LIPI: variants seen among roughly 807,000 people sequenced by gnomAD.
LIPI encodes lipase member I.
A neutral mutation model predicts 50.6 loss-of-function variants in LIPI; 59 were observed. That is an observed-to-expected ratio of 1.16 (90% confidence interval 0.94 to 1.45). The LOEUF (loss-of-function observed/expected upper bound fraction) is 1.45. Among genes scored for constraint, LIPI ranks in the 40% most tolerant of loss-of-function variants. The probability of loss-of-function intolerance (pLI) is 0.00; values close to 1 mark genes in which losing one functional copy is unlikely to be tolerated. For synonymous variants in LIPI, 203 were observed against 178.2 expected, an observed-to-expected ratio of 1.14 and a Z score of -1.11; for missense variants, 586 against 536.3, an observed-to-expected ratio of 1.09 and a Z score of -0.92.
intron 4 of LIPI, among the ~76,000 whole-genome samples, chr21:14,174,713 C>T (rs1386499145): frequency 6.6e-6 from 1 of 152,090 alleles, no homozygotes; most frequent in African/African-American, 2.4e-5. Context: ...GCCACCATGC[C>T]CAGCTAATTT....
At chr21:14,183,390 A>C (rs1011753005) in intron 3 of LIPI, among the ~76,000 whole-genome samples, 1 of 152,204 alleles carries the variant, frequency 6.6e-6, no homozygotes, top group Non-Finnish European at 1.5e-5. Flanking sequence ...AAACTTAGGC[A>C]ATACCATTCA....
intron 9 of LIPI, among the ~76,000 whole-genome samples, chr21:14,143,069 C>T (rs1008591705): frequency 2.6e-5 from 4 of 152,012 alleles, no homozygotes; most frequent in African/African-American, 4.8e-5. Context: ...ATTTGCTGTT[C>T]TAATGACCAG....
intron 4 of LIPI, among the ~76,000 whole-genome samples, chr21:14,180,615 T>A (rs550106522): frequency 5.0e-4 from 76 of 152,344 alleles, no homozygotes; most frequent in Non-Finnish European, 8.1e-4. Flanking sequence ...ATGTGTTTTA[T>A]GTGGATGTGC....
intron 4 of LIPI, among the ~76,000 whole-genome samples, chr21:14,169,195 G>T (rs1378187416): frequency 6.6e-6 from 1 of 152,174 alleles, no homozygotes; most frequent in Admixed American, 6.5e-5. Context: ...CAATACAGGA[G>T]CATCCAGATT....
chr21:14,176,538 T>G (rs2019102733), intron 4 of LIPI, among the ~76,000 whole-genome samples: 1 of 151,640 alleles, frequency 6.6e-6, no homozygotes, highest in Admixed American at 6.6e-5. Flanking sequence ...TTTATTATTG[T>G]ATTCATTAGT....
At chr21:14,177,571 T>G (rs2019138778) in intron 4 of LIPI, among the ~76,000 whole-genome samples, 1 of 152,064 alleles carries the variant, frequency 6.6e-6, no homozygotes, top group African/African-American at 2.4e-5. Context: ...ATTTTCTTGC[T>G]TCTTTTCTTG....
At chr21:14,180,946 A>G (rs541412781) in intron 4 of LIPI, among the ~76,000 whole-genome samples, 402 of 152,332 alleles carry the variant, frequency 2.6e-3, no homozygotes, top group Middle Eastern at 0.01. Context: ...TCGGTTTATA[A>G]GAATAATATA....
intron 1 of LIPI, among the ~76,000 whole-genome samples, chr21:14,192,611 T>C (rs541063877): frequency 6.6e-6 from 1 of 152,286 alleles, no homozygotes; most frequent in South Asian, 2.1e-4. Flanking sequence ...AATAAAATTC[T>C]AGACAACAAA....
At chr21:14,158,640 G>T (rs111651403) in intron 7 of LIPI, among the ~76,000 whole-genome samples, 74 of 148,230 alleles carry the variant, frequency 5.0e-4, no homozygotes, top group East Asian at 9.8e-4. Context: ...TATATATATA[G>T]AGAGAGAACA....
intron 4 of LIPI, among the ~76,000 whole-genome samples, chr21:14,173,573 TG>T (rs2018994091): frequency 6.6e-6 from 1 of 152,206 alleles, no homozygotes; most frequent in African/African-American, 2.4e-5. Flanking sequence ...TGCTTTAATC[TG>T]GGGCACAAAA....
chr21:14,148,697 A>C (rs374338283), intron 8 of LIPI, among the ~76,000 whole-genome samples: 1 of 152,202 alleles, frequency 6.6e-6, no homozygotes, highest in Non-Finnish European at 1.5e-5. Context: ...TTTGGACTCT[A>C]TAATGTCCAA....
At chr21:14,182,446 T>C (rs1263560298) in intron 3 of LIPI, among the ~76,000 whole-genome samples, 3 of 152,202 alleles carry the variant, frequency 2.0e-5, no homozygotes, top group Non-Finnish European at 4.4e-5. Context: ...GCTAGGCTCA[T>C]GACTTTCTGG....
At chr21:14,176,808 C>A (rs1005463460) in intron 4 of LIPI, among the ~76,000 whole-genome samples, 5 of 148,166 alleles carry the variant, frequency 3.4e-5, no homozygotes, top group Admixed American at 1.4e-4. Context: ...TATTATTATA[C>A]TTTAAGTTCT....
rs188923601 is a variant in LIPI at position 14,193,688 on chromosome 21, A to T, written c.47-4269T>A. ...ACAGTAAAAATTCTTAGAAGAAAAC[A>T]AGGGGGAAACATTCATACCTTGGAT... On this transcript the variant is annotated intron_variant, in intron 1 of 9. Coordinates refer to ENST00000681601, the MANE Select transcript of LIPI (RefSeq NM_001302998.2). Among the ~76,000 whole-genome samples the T allele has an allele frequency of 1.0e-3, 158 of 152,242 alleles. 1 individual carries two copies. The highest frequency in any genetic ancestry group is 2.9e-3 in the African/African-American group (119 of 41,568).
intron 4 of LIPI, among the ~76,000 whole-genome samples, chr21:14,167,014 C>T (rs2018711495): frequency 6.6e-6 from 1 of 152,244 alleles, no homozygotes; most frequent in Admixed American, 6.5e-5. Context: ...CACCCTAATA[C>T]TGCGCTTCTG....
At chr21:14,117,420 C>T (rs1037467907) in intron 9 of LIPI, among the ~76,000 whole-genome samples, 7 of 152,132 alleles carry the variant, frequency 4.6e-5, no homozygotes, top group African/African-American at 1.7e-4. Context: ...AAAGCAACAC[C>T]CCAGTAGGCA....
chr21:14,145,959 T>C (rs2017888826), intron 8 of LIPI, among the ~76,000 whole-genome samples: 1 of 152,170 alleles, frequency 6.6e-6, no homozygotes, highest in African/African-American at 2.4e-5. Flanking sequence ...GTTACCACCT[T>C]CTTTTTCACA....
chr21:14,134,784 G>A (rs1055041624), intron 9 of LIPI, among the ~76,000 whole-genome samples: 6 of 151,990 alleles, frequency 3.9e-5, no homozygotes, highest in South Asian at 4.2e-4. Context: ...ATATACAAAG[G>A]TTAATTCGAG....
intron 1 of LIPI, 114 bp from the exon 2 acceptor site, chr21:14,189,533 C>T: frequency 5.5e-6 from 5 of 912,058 alleles, no homozygotes; most frequent in Non-Finnish European, 8.5e-6. Flanking sequence ...TTTCATGAGC[C>T]CTTCAACATA....
Sources: allele counts gnomAD v4.1 joint callset (sites outside exome capture counted in the v4.1 genomes callset), GRCh38; gene constraint gnomAD v4.1.1; transcripts MANE v1.5; gene names NCBI Gene and HGNC (gene_info 2026-07-23, HGNC 2026-07-21).